Variants in CDC7 observed in about 807,000 individuals in gnomAD.
CDC7 encodes cell division cycle 7-related protein kinase.
CDC7 carries 34 observed loss-of-function variants against 53.5 expected under a neutral mutation model. The ratio of observed to expected loss-of-function variants is 0.64; its 90% CI spans 0.48 to 0.85. The LOEUF is 0.85. CDC7 is among the 40% of genes least tolerant of loss of function. The pLI, the probability that CDC7 is intolerant of heterozygous loss-of-function variation, is 0.00. For missense variants in CDC7, 594 were observed against 679.7 expected (o/e 0.87, Z 1.40); for synonymous variants, 211 against 222.8 (o/e 0.95, Z 0.47).
chr1:91,508,929 C>T (rs1667124635), intron 4 of CDC7, among the ~76,000 whole-genome samples: 1 of 152,162 alleles, frequency 6.6e-6, no homozygotes, highest in Non-Finnish European at 1.5e-5. Flanking sequence ...ACATTGTTTT[C>T]ATTCCACACC....
In CDC7 at chr1:91,510,519, CTGTG is replaced by C. The variant is rs925057435; in HGVS notation, c.336-1076_336-1073del. ...GAATAAGCCTGTTTGTTTCAGCCTT[CTGTG>C]TATTATAGAAGACAAGAAAATGAGA... On this transcript the variant is annotated intron_variant, in intron 4 of 11. Coordinates refer to ENST00000234626, the MANE Select transcript of CDC7 (RefSeq NM_003503.4). 1.1e-4 allele frequency among the ~76,000 whole-genome samples: 16 copies of C among 152,176 alleles called. 1 individual carries two copies. Among genetic ancestry groups the C allele is most frequent in the African/African-American group, 3.9e-4 (16 of 41,444 alleles).
chr1:91,524,727 A>ATAT lies in CDC7; in HGVS notation c.*292_*293insTAT. 1 of 272,626 alleles carries ATAT rather than the reference A, an allele frequency of 3.7e-6. No homozygotes were observed. Among genetic ancestry groups the ATAT allele is most frequent in the Non-Finnish European group, 6.8e-6 (1 of 146,718 alleles). The allele number at this position is 272,626 out of a possible 1,614,324, so 16.9% of individuals were successfully genotyped here. A position where few individuals can be genotyped will look rare whatever the true frequency, so the allele number is the denominator to read the frequency against. ...CTAATTACCTTTCACTGACATATAC[A>ATAT]GAAAAAGGAGCAGTTTTAGTTTTAA... On this transcript the variant is annotated 3_prime_UTR_variant, in exon 12 of 12. Transcript: ENST00000234626.
At chr1:91,507,622 T>C (rs1037314051) in intron 2 of CDC7, among the ~76,000 whole-genome samples, 1 of 152,156 alleles carries the variant, frequency 6.6e-6, no homozygotes, top group African/African-American at 2.4e-5. Flanking sequence ...ATAATTCCAG[T>C]ATAGTAGAAA....
At chr1:91,517,815 G>A (rs555173867) in intron 10 of CDC7, among the ~76,000 whole-genome samples, 3 of 152,078 alleles carry the variant, frequency 2.0e-5, no homozygotes, top group Admixed American at 2.0e-4. Flanking sequence ...AAGGCAAGTA[G>A]GGCCGGGCAC....
Position 91,525,083 on chromosome 1 carries a change from C to G in CDC7, c.*648C>G, listed in dbSNP as rs1029908029. On this transcript the variant is annotated 3_prime_UTR_variant, in exon 12 of 12. Transcript: ENST00000234626. ...GCTTCTCAATTTTCTTCCTTCTCTG[C>G]CCCTACCTAAAACATTCTCCTCGGA... 6.6e-6 allele frequency: 1 copy of G among 152,240 alleles called. No homozygotes were observed. Among genetic ancestry groups the G allele is most frequent in the Non-Finnish European group, 1.5e-5 (1 of 68,012 alleles). The allele number at this position is 152,240 out of a possible 1,614,324, so 9.4% of individuals were successfully genotyped here.
chr1:91,524,235 T>G lies in CDC7; in HGVS notation c.1525T>G (p.Ser509Ala). ...CLVQTPPGQY[S>A]GNSFKKGDSN... ...CGTTCAAACACCTCCAGGACAATAC[T>G]CAGGGAATTCATTTAAAAAGGGGGA... Residue 509 changes from serine (S) to alanine (A), a missense_variant, in exon 12 of 12, where the codon TCA becomes GCA. Physicochemically the swap from Ser to Ala is moderately conservative, Grantham distance 99. Coordinates refer to ENST00000234626, the MANE Select transcript of CDC7 (RefSeq NM_003503.4). 1.2e-6 allele frequency: 2 copies of G among 1,613,966 alleles called. No homozygotes were observed. The highest frequency in any genetic ancestry group is 8.5e-7 in the Non-Finnish European group (1 of 1,179,892).
At chr1:91,519,554 TTATATACCCCATCAATATA>T (rs1349518748) in intron 10 of CDC7, among the ~76,000 whole-genome samples, 2 of 152,188 alleles carry the variant, frequency 1.3e-5, no homozygotes, top group Non-Finnish European at 2.9e-5. Context: ...TCAAAACATC[TTATATACCCCATCAATATA>T]TACACCTACT....
chr1:91,518,780 CA>C (rs1343663633), intron 10 of CDC7, among the ~76,000 whole-genome samples: 1 of 151,832 alleles, frequency 6.6e-6, no homozygotes, highest in Non-Finnish European at 1.5e-5. Context: ...CTGATGGGTA[CA>C]AAAAATAGTT....
Position 91,511,701 on chromosome 1 carries a change from A to G in CDC7, c.429+11A>G. On this transcript the variant is annotated intron_variant, in intron 5 of 11. Coordinates refer to ENST00000234626, the MANE Select transcript of CDC7 (RefSeq NM_003503.4). ...CATGAGTCGTTTTTGGTAGGTTTTA[A>G]TATTTCTTGAATTTTTATTAGCTAA... 6.3e-7 allele frequency: 1 copy of G among 1,597,938 alleles called. No homozygotes were observed. Among genetic ancestry groups the G allele is most frequent in the Non-Finnish European group, 8.6e-7 (1 of 1,168,712 alleles).
At chr1:91,517,036 A>G (rs903402977) in intron 10 of CDC7, among the ~76,000 whole-genome samples, 1 of 152,116 alleles carries the variant, frequency 6.6e-6, no homozygotes, top group Non-Finnish European at 1.5e-5. Flanking sequence ...TTGCCCTCCA[A>G]CCTGGGCGAC....
intron 9 of CDC7, among the ~76,000 whole-genome samples, chr1:91,515,315 A>C (rs1169505024): frequency 2.0e-5 from 3 of 152,172 alleles, no homozygotes. Flanking sequence ...ATTCCCGCTT[A>C]TGTGGAGTAA....
intron 11 of CDC7, among the ~76,000 whole-genome samples, chr1:91,523,006 A>G (rs1178276670): frequency 6.6e-6 from 1 of 152,244 alleles, no homozygotes; most frequent in South Asian, 2.1e-4. Flanking sequence ...GGCAAAAATA[A>G]TACATGATTG....
intron 2 of CDC7, among the ~76,000 whole-genome samples, chr1:91,504,245 A>G (rs527251597): frequency 6.6e-6 from 1 of 152,032 alleles, no homozygotes; most frequent in South Asian, 2.1e-4. Flanking sequence ...AGCTTGGATT[A>G]CAGGCATGTG....
At chr1:91,514,081 T>C (rs1351504586) in intron 8 of CDC7, 38 bp downstream of exon 8, 1 of 1,310,934 alleles carries the variant, frequency 7.6e-7, no homozygotes, top group South Asian at 1.2e-5. Context: ...GGTCAGTCAG[T>C]CATACACTGA....
intron 11 of CDC7, among the ~76,000 whole-genome samples, chr1:91,522,199 T>C (rs541385778): frequency 6.6e-6 from 1 of 152,260 alleles, no homozygotes; most frequent in Admixed American, 6.5e-5. Flanking sequence ...CCATAGGACT[T>C]GTCTCAGTTG....
chr1:91,517,507 T>A (rs1457819843), intron 10 of CDC7, among the ~76,000 whole-genome samples: 17 of 152,132 alleles, frequency 1.1e-4, no homozygotes, highest in African/African-American at 3.9e-4. Context: ...GAGAAGTAAC[T>A]GGTTTATAGG....
At chr1:91,523,071 T>A (rs775199512) in intron 11 of CDC7, among the ~76,000 whole-genome samples, 3 of 152,220 alleles carry the variant, frequency 2.0e-5, no homozygotes, top group Non-Finnish European at 2.9e-5. Flanking sequence ...CATCAGGAAG[T>A]TATTTCAAAT....
intron 4 of CDC7, among the ~76,000 whole-genome samples, chr1:91,510,805 G>C (rs1216823352): frequency 6.6e-6 from 1 of 152,052 alleles, no homozygotes; most frequent in Non-Finnish European, 1.5e-5. Context: ...AAAATTACCA[G>C]TTAATTATTC....
intron 10 of CDC7, among the ~76,000 whole-genome samples, chr1:91,517,152 C>T (rs546520670): frequency 6.6e-6 from 1 of 152,154 alleles, no homozygotes; most frequent in East Asian, 1.9e-4. Flanking sequence ...CAAGGTCAGA[C>T]CACAGTTGTT....
Sources: allele counts gnomAD v4.1 joint callset (sites outside exome capture counted in the v4.1 genomes callset), GRCh38; gene constraint gnomAD v4.1.1; transcripts MANE v1.5; gene names NCBI Gene and HGNC (gene_info 2026-07-23, HGNC 2026-07-21).